MBNL2: variants seen among roughly 807,000 people sequenced by gnomAD.
MBNL2 encodes the protein muscleblind-like protein 2.
MBNL2 carries 17 observed loss-of-function variants against 41.9 expected under a neutral mutation model. The observed-to-expected ratio is 0.41, with a 90% CI of 0.28 to 0.61. The LOEUF (loss-of-function observed/expected upper bound fraction) is 0.61, where lower values mean the gene tolerates loss of function less well. MBNL2 is among the 20% of genes least tolerant of loss of function. The probability of loss-of-function intolerance (pLI) is 0.35; values close to 1 mark genes in which losing one functional copy is unlikely to be tolerated. For synonymous variants in MBNL2, 195 were observed against 182.9 expected, an observed-to-expected ratio of 1.07 and a Z score of -0.53; for missense variants, 336 against 505.6, an observed-to-expected ratio of 0.66 and a Z score of 3.22.
At chr13:97,176,409 C>A in the MBNL2 span, among the ~76,000 whole-genome samples, 2 of 152,204 alleles carry the variant, frequency 1.3e-5, no homozygotes, top group South Asian at 4.2e-4. Context: ...CTAATAGAAG[C>A]CTGAATATGC....
the MBNL2 span, among the ~76,000 whole-genome samples, chr13:97,187,593 TAAAAAAAAA>T: frequency 0.047 from 2,435 of 51,556 alleles, 73 homozygotes; most frequent in Admixed American, 0.17. Flanking sequence ...CTATGCAGCT[TAAAAAAAAA>T]AAAAAAAAAA....
the MBNL2 span, among the ~76,000 whole-genome samples, chr13:97,159,691 A>C: frequency 1.3e-5 from 2 of 150,632 alleles, no homozygotes; most frequent in East Asian, 2.0e-4. Context: ...TCTGGGTTGA[A>C]AATTCTTTTC....
At chr13:97,364,296 A>G (rs895500287) in intron 7 of MBNL2, among the ~76,000 whole-genome samples, 12 of 152,172 alleles carry the variant, frequency 7.9e-5, no homozygotes, top group African/African-American at 2.9e-4. Flanking sequence ...AATCCCCCTC[A>G]GGGATCACTT....
intron 2 of MBNL2, among the ~76,000 whole-genome samples, chr13:97,307,920 C>G (rs1250286573): frequency 6.6e-6 from 1 of 152,172 alleles, no homozygotes; most frequent in Non-Finnish European, 1.5e-5. Flanking sequence ...GCACTCAGTT[C>G]CCTTAAATAA....
At chr13:97,225,419 G>A (rs1207359504) in intron 1 of MBNL2, among the ~76,000 whole-genome samples, 2 of 152,148 alleles carry the variant, frequency 1.3e-5, no homozygotes, top group African/African-American at 4.8e-5. Context: ...AAATAGGTTG[G>A]CAACATTGCA....
chr13:97,277,606 A>C (rs1429764106), intron 2 of MBNL2, among the ~76,000 whole-genome samples: 2 of 152,198 alleles, frequency 1.3e-5, no homozygotes, highest in Non-Finnish European at 2.9e-5. Flanking sequence ...ACTTATATTT[A>C]AGTTTTAATA....
At chr13:97,342,956 G>C in intron 3 of MBNL2, 60 bp from the exon 4 acceptor site, 1 of 1,065,458 alleles carries the variant, frequency 9.4e-7, no homozygotes, top group Non-Finnish European at 1.5e-6. Context: ...ACATTTGCTG[G>C]TAATTTTTTA....
intron 2 of MBNL2, among the ~76,000 whole-genome samples, chr13:97,317,827 A>G (rs1365221127): frequency 6.6e-6 from 1 of 152,264 alleles, no homozygotes; most frequent in Non-Finnish European, 1.5e-5. Context: ...GAAACATTAC[A>G]TAGATCCTTC....
chr13:97,243,442 G>A (rs1286346448), intron 1 of MBNL2, among the ~76,000 whole-genome samples: 1 of 152,182 alleles, frequency 6.6e-6, no homozygotes, highest in African/African-American at 2.4e-5. Context: ...TAAATGGAAA[G>A]GGGGCACAAG....
At chr13:97,229,320 TG>T (rs1468495870) in intron 1 of MBNL2, among the ~76,000 whole-genome samples, 1 of 151,488 alleles carries the variant, frequency 6.6e-6, no homozygotes, top group African/African-American at 2.4e-5. Context: ...TCTGAATGGA[TG>T]TATTTGGTCT....
chr13:97,227,179 C>T (rs2152771453), intron 1 of MBNL2, among the ~76,000 whole-genome samples: 1 of 152,166 alleles, frequency 6.6e-6, no homozygotes, highest in South Asian at 2.1e-4. Context: ...CTGCGAGGTT[C>T]AGGGACGCAG....
At chr13:97,297,649 G>A (rs1468305100) in intron 2 of MBNL2, among the ~76,000 whole-genome samples, 1 of 152,090 alleles carries the variant, frequency 6.6e-6, no homozygotes, top group Non-Finnish European at 1.5e-5. Flanking sequence ...AGTATCCCCA[G>A]CCAAGACGAC....
intron 8 of MBNL2, among the ~76,000 whole-genome samples, chr13:97,371,541 T>C (rs2064380034): frequency 6.6e-6 from 1 of 152,020 alleles, no homozygotes; most frequent in South Asian, 2.1e-4. Context: ...TTCTGATTGA[T>C]TGTGTGGTAC....
chr13:97,322,303 C>T (rs1334859488), intron 2 of MBNL2, among the ~76,000 whole-genome samples: 3 of 152,158 alleles, frequency 2.0e-5, no homozygotes, highest in Non-Finnish European at 2.9e-5. Flanking sequence ...AAAAGTGCAG[C>T]TTCCCCCTGC....
At position 97,334,242 on chromosome 13, in the gene MBNL2, A is replaced by G; in HGVS notation, c.175-34A>G. On this transcript the variant is annotated intron_variant, in intron 2 of 8. Transcript: ENST00000679496. The surrounding 1 kb of genome is among the most constrained non-coding windows in gnomAD (Gnocchi z 5.3). ...TTGACTTTGGAGTTGCAAGCTACTT[A>G]AAATAGTCCTAAAACCAACACTTGT... 6.4e-7 allele frequency: 1 copy of G among 1,573,910 alleles called. No individual in the cohort carries two copies. The highest frequency in any genetic ancestry group is 1.4e-5 in the African/African-American group (1 of 73,522).
intron 5 of MBNL2, among the ~76,000 whole-genome samples, chr13:97,355,525 A>G (rs2062909420): frequency 6.6e-6 from 1 of 152,188 alleles, no homozygotes. Flanking sequence ...CTAAGCATAG[A>G]AAAGGGTATT....
the MBNL2 span, among the ~76,000 whole-genome samples, chr13:97,144,728 C>T: frequency 6.6e-6 from 1 of 152,150 alleles, no homozygotes; most frequent in African/African-American, 2.4e-5. Context: ...CCACCCCGCC[C>T]AGCCTAGTGA....
upstream of MBNL2, among the ~76,000 whole-genome samples, chr13:97,220,054 C>G (rs1156854642): frequency 6.6e-6 from 1 of 152,132 alleles, no homozygotes; most frequent in Non-Finnish European, 1.5e-5. Context: ...GTTTTTAGCT[C>G]ATGCAGTTGG....
chr13:97,230,507 T>G (rs2042233425), intron 1 of MBNL2, among the ~76,000 whole-genome samples: 1 of 152,176 alleles, frequency 6.6e-6, no homozygotes, highest in Non-Finnish European at 1.5e-5. Context: ...CACACCTGTG[T>G]TGAAGCCGTA....
Sources: allele counts gnomAD v4.1 joint callset (sites outside exome capture counted in the v4.1 genomes callset), GRCh38; gene constraint gnomAD v4.1.1; non-coding constraint Gnocchi (gnomAD v3.1); transcripts MANE v1.5; gene names NCBI Gene and HGNC (gene_info 2026-07-23, HGNC 2026-07-21).